The following PDE3B variants were observed in gnomAD, a reference collection of about 807,000 sequenced individuals.
PDE3B encodes the protein cGMP-inhibited 3',5'-cyclic phosphodiesterase 3B.
In PDE3B, 66 loss-of-function variants were observed where a neutral mutation model predicts 116.8. The observed-to-expected ratio is 0.56, with a 90% confidence interval of 0.46 to 0.69. The LOEUF (loss-of-function observed/expected upper bound fraction) is 0.69. Among genes scored for constraint, PDE3B ranks in the 30% least tolerant of loss-of-function variants. The pLI, the probability that PDE3B is intolerant of heterozygous loss-of-function variation, is 0.00. For synonymous variants in PDE3B, 595 were observed against 533.6 expected, an observed-to-expected ratio of 1.12 and a Z score of -1.59; for missense variants, 1,384 against 1,368.1, an observed-to-expected ratio of 1.01 and a Z score of -0.18.
intron 1 of PDE3B, among the ~76,000 whole-genome samples, chr11:14,752,876 C>T (rs1172258028): frequency 6.6e-6 from 1 of 152,026 alleles, no homozygotes; most frequent in Non-Finnish European, 1.5e-5. Context: ...TAAAAGTTAT[C>T]TAGTATTCTA....
the PDE3B span, chr11:14,886,812 A>C: frequency 6.6e-6 from 1 of 152,322 alleles, no homozygotes. Flanking sequence ...GCCATGGTAC[A>C]CACTACTTCA....
chr11:14,727,215 A>T (rs1304961282), intron 1 of PDE3B, among the ~76,000 whole-genome samples: 2 of 152,154 alleles, frequency 1.3e-5, no homozygotes, highest in African/African-American at 4.8e-5. Flanking sequence ...TAACTATCAT[A>T]GATGATTTCA....
chr11:14,667,294 G>A (rs1241201888), intron 1 of PDE3B, among the ~76,000 whole-genome samples: 1 of 150,976 alleles, frequency 6.6e-6, no homozygotes, highest in African/African-American at 2.4e-5. Flanking sequence ...TGGGGTGGGG[G>A]GAGTGGGGAG....
At chr11:14,791,973 CTG>C (rs1349864671) in intron 4 of PDE3B, among the ~76,000 whole-genome samples, 2 of 151,900 alleles carry the variant, frequency 1.3e-5, no homozygotes, top group African/African-American at 2.4e-5. Context: ...TTTTTTATTA[CTG>C]TGTTTTTTTT....
At chr11:14,765,856 A>G (rs968810619) in intron 1 of PDE3B, among the ~76,000 whole-genome samples, 5 of 150,110 alleles carry the variant, frequency 3.3e-5, no homozygotes, top group African/African-American at 9.7e-5. Flanking sequence ...CTTATATTTA[A>G]GTTATTTACA....
chr11:14,745,603 C>G (rs2133870000), intron 1 of PDE3B, among the ~76,000 whole-genome samples: 1 of 152,280 alleles, frequency 6.6e-6, no homozygotes, highest in East Asian at 1.9e-4. Context: ...TACTAGTTAG[C>G]TGGAATTCAG....
chr11:14,882,438 G>A, the PDE3B span, among the ~76,000 whole-genome samples: 4 of 152,136 alleles, frequency 2.6e-5, no homozygotes, highest in African/African-American at 9.7e-5. Flanking sequence ...GTGCCAAGAT[G>A]AAACCAGCCC....
At chr11:14,852,359 C>CT (rs1847770293) in intron 12 of PDE3B, among the ~76,000 whole-genome samples, 3 of 152,276 alleles carry the variant, frequency 2.0e-5, no homozygotes, top group East Asian at 3.9e-4. Flanking sequence ...CCGGCCTACT[C>CT]TATGTTTTTA....
At chr11:14,669,714 T>C (rs540987009) in intron 1 of PDE3B, among the ~76,000 whole-genome samples, 18 of 151,944 alleles carry the variant, frequency 1.2e-4, no homozygotes, top group African/African-American at 4.3e-4. Context: ...ATGCGGTGTT[T>C]GGTTTTCTGT....
At chr11:14,650,794 A>C (rs1229553816) in intron 1 of PDE3B, among the ~76,000 whole-genome samples, 4 of 152,096 alleles carry the variant, frequency 2.6e-5, no homozygotes, top group Non-Finnish European at 4.4e-5. Context: ...GGGGACCCTG[A>C]GCCAAGGAAA....
the PDE3B span, chr11:14,879,588 C>T: frequency 1.1e-5 from 7 of 625,698 alleles, no homozygotes; most frequent in Admixed American, 2.8e-5. Flanking sequence ...ATTATCTGGG[C>T]GTTCTATTGA....
chr11:14,688,027 TA>T (rs377764613), intron 1 of PDE3B, among the ~76,000 whole-genome samples: 33 of 152,224 alleles, frequency 2.2e-4, no homozygotes, highest in African/African-American at 7.5e-4. Context: ...CAGGTGAAAG[TA>T]TGTAGTTTCC....
chr11:14,738,480 T>C (rs1449290120), intron 1 of PDE3B, among the ~76,000 whole-genome samples: 10 of 152,236 alleles, frequency 6.6e-5, no homozygotes. Context: ...TTCTTGTAAA[T>C]TTGTTTAAGT....
chr11:14,659,449 A>C (rs1565076731), intron 1 of PDE3B, among the ~76,000 whole-genome samples: 1 of 152,224 alleles, frequency 6.6e-6, no homozygotes, highest in Non-Finnish European at 1.5e-5. Context: ...TCACCAAGGA[A>C]GAAGATGGTA....
chr11:14,877,993 GAC>G, the PDE3B span: 1 of 922,386 alleles, frequency 1.1e-6, no homozygotes, highest in Non-Finnish European at 1.7e-6. Context: ...ACTATTTTAA[GAC>G]ACATCTGTGT....
chr11:14,787,421 A>G (rs1407963679), intron 3 of PDE3B, among the ~76,000 whole-genome samples: 1 of 151,982 alleles, frequency 6.6e-6, no homozygotes, highest in Non-Finnish European at 1.5e-5. Flanking sequence ...TAAGGAAACT[A>G]ACCAAGAGAA....
At chr11:14,751,616 G>A (rs536571907) in intron 1 of PDE3B, among the ~76,000 whole-genome samples, 66 of 152,296 alleles carry the variant, frequency 4.3e-4, no homozygotes, top group African/African-American at 1.5e-3. Flanking sequence ...TATTTGGGAA[G>A]TGATCCCACA....
At chr11:14,697,291 A>C (rs576771133) in intron 1 of PDE3B, among the ~76,000 whole-genome samples, 16 of 152,112 alleles carry the variant, frequency 1.1e-4, no homozygotes, top group African/African-American at 3.6e-4. Flanking sequence ...ATGGTGTGCA[A>C]TTGGGATTAA....
chr11:14,706,812 T>C (rs1409335256), intron 1 of PDE3B, among the ~76,000 whole-genome samples: 1 of 152,114 alleles, frequency 6.6e-6, no homozygotes, highest in Non-Finnish European at 1.5e-5. Flanking sequence ...TTTCATACAT[T>C]TCAAAATGGC....
Sources: gnomAD v4.1 joint callset for allele counts (sites outside exome capture counted in the v4.1 genomes callset) on GRCh38, gnomAD v4.1.1 for gene constraint, MANE v1.5 for transcripts, NCBI Gene and HGNC (gene_info 2026-07-23, HGNC 2026-07-21) for gene names.